The following WDR72 variants were observed in gnomAD, a reference collection of about 807,000 sequenced individuals.
The protein encoded by WDR72 is WD repeat-containing protein 72.
WDR72 carries 120 observed loss-of-function variants against 124.2 expected under a neutral mutation model. The observed-to-expected ratio is 0.97, with a 90% CI of 0.83 to 1.12. The LOEUF is 1.12. WDR72 is among the 50% of genes most tolerant of loss of function. The pLI, the probability that WDR72 is intolerant of heterozygous loss-of-function variation, is 0.00. For missense variants in WDR72, 1,387 were observed against 1,278.8 expected, an observed-to-expected ratio of 1.08 and a Z score of -1.29; for synonymous variants, 452 against 441.7, an observed-to-expected ratio of 1.02 and a Z score of -0.29.
chr15:53,719,305 C>T (rs1332395139), intron 3 of WDR72, among the ~76,000 whole-genome samples: 1 of 152,036 alleles, frequency 6.6e-6, no homozygotes, highest in African/African-American at 2.4e-5. Context: ...TCCTCTTCTT[C>T]CTCTGTCTGC....
In WDR72 at chr15:53,678,116, G is replaced by A. The variant is rs556986435; in HGVS notation, c.1766-12348C>T. On this transcript the variant is annotated intron_variant, in intron 13 of 19. Coordinates refer to ENST00000360509, the MANE Select transcript of WDR72 (RefSeq NM_182758.4). ...TAGGGAATGTTTGGTTGGCAATACA[G>A]AGAAGAGAACTGAAGAAAGAACTTT... 1.1e-4 allele frequency among the ~76,000 whole-genome samples: 16 copies of A among 152,296 alleles called. 1 individual carries two copies. In the South Asian group the frequency reaches 3.1e-3, roughly 30 times the overall value.
At chr15:53,697,822 T>G (rs537764222) in intron 13 of WDR72, among the ~76,000 whole-genome samples, 19 of 152,306 alleles carry the variant, frequency 1.2e-4, no homozygotes, top group African/African-American at 4.6e-4. Flanking sequence ...ATTATTTTTT[T>G]GTTTGAGACA....
chr15:53,559,996 A>T (rs149557408), intron 18 of WDR72, among the ~76,000 whole-genome samples: 1 of 152,140 alleles, frequency 6.6e-6, no homozygotes, highest in African/African-American at 2.4e-5. Context: ...TTACAAGTTG[A>T]AATGCAGTCC....
intron 14 of WDR72, among the ~76,000 whole-genome samples, chr15:53,664,614 C>T (rs2015715698): frequency 6.6e-6 from 1 of 151,378 alleles, no homozygotes; most frequent in South Asian, 2.1e-4. Flanking sequence ...ATTAAAATAA[C>T]AGAAAAGATG....
intron 14 of WDR72, among the ~76,000 whole-genome samples, chr15:53,631,202 C>T (rs190661082): frequency 5.9e-5 from 9 of 152,202 alleles, no homozygotes; most frequent in Non-Finnish European, 1.0e-4. Context: ...ATTGAGTTCT[C>T]ATGAGATCTG....
intron 17 of WDR72, among the ~76,000 whole-genome samples, chr15:53,604,645 T>G (rs2013196764): frequency 6.6e-6 from 1 of 151,378 alleles, no homozygotes; most frequent in Non-Finnish European, 1.5e-5. Context: ...GAAAAAAAAC[T>G]CTATTAAAAC....
chr15:53,598,396 C>G (rs922578642), intron 17 of WDR72, among the ~76,000 whole-genome samples: 5 of 152,122 alleles, frequency 3.3e-5, no homozygotes, highest in Non-Finnish European at 7.3e-5. Flanking sequence ...ATAAGCATGT[C>G]TAGAGCTAGG....
chr15:53,702,120 A>T lies in WDR72; in HGVS notation c.1569+14T>A, dbSNP rs759804191. 1.3e-6 allele frequency: 2 copies of T among 1,593,018 alleles called. No homozygotes were observed. The highest frequency in any genetic ancestry group is 2.2e-5 in the South Asian group (2 of 89,154). ...TTTTCAAATTTAGATGTTATATTTT[A>T]CTCTTCGTCTTACTTTAAACTTCTC... On this transcript the variant is annotated intron_variant, in intron 12 of 19. Coordinates refer to ENST00000360509, the MANE Select transcript of WDR72 (RefSeq NM_182758.4).
intron 18 of WDR72, among the ~76,000 whole-genome samples, chr15:53,529,788 A>G (rs1207908216): frequency 2.0e-5 from 3 of 152,000 alleles, no homozygotes; most frequent in Non-Finnish European, 4.4e-5. Flanking sequence ...GTCTTACTCA[A>G]ACCAGGCATG....
At chr15:53,582,445 G>C (rs2011979626) in intron 18 of WDR72, among the ~76,000 whole-genome samples, 1 of 151,840 alleles carries the variant, frequency 6.6e-6, no homozygotes, top group South Asian at 2.1e-4. Flanking sequence ...TGCACAATTT[G>C]ATTTGGTGTA....
chr15:53,652,665 T>A (rs950567627), intron 14 of WDR72, among the ~76,000 whole-genome samples: 12 of 152,144 alleles, frequency 7.9e-5, no homozygotes, highest in African/African-American at 2.9e-4. Flanking sequence ...TACAACGCAA[T>A]CCTCAGGCTA....
chr15:53,615,931 A>T lies in WDR72; in HGVS notation c.2275T>A (p.Phe759Ile), dbSNP rs777256458. The T allele has an allele frequency of 1.9e-6, 3 of 1,613,390 alleles. No individual in the cohort carries two copies. Among genetic ancestry groups the T allele is most frequent in the East Asian group, 2.2e-5 (1 of 44,844 alleles). Reference protein sequence around the residue: ...SLAQGDNTIKFSEENDGIKRQ... With the variant: ...SLAQGDNTIKISEENDGIKRQ... ...TTAATGCCATCATTTTCTTCTGAGA[A>T]TTTGATGGTATTATCTCCTTGGGCC... Residue 759 changes from phenylalanine (F) to isoleucine (I), a missense_variant, in exon 15 of 20, where the codon TTC becomes ATC. By Grantham distance (21) the Phe-to-Ile change is conservative (BLOSUM62 0). Coordinates refer to ENST00000360509, the MANE Select transcript of WDR72 (RefSeq NM_182758.4).
At chr15:53,518,028 C>T (rs1891559915) in intron 19 of WDR72, among the ~76,000 whole-genome samples, 1 of 151,046 alleles carries the variant, frequency 6.6e-6, no homozygotes, top group Non-Finnish European at 1.5e-5. Context: ...TTATTAATAG[C>T]TTGGGGATTT....
At chr15:53,750,608 T>G (rs1389778096) in intron 1 of WDR72, among the ~76,000 whole-genome samples, 5 of 152,204 alleles carry the variant, frequency 3.3e-5, no homozygotes, top group African/African-American at 9.7e-5. Context: ...TAGAGATTCC[T>G]CTGATATACC....
chr15:53,613,658 TCTCTTACCA>T lies in WDR72; in HGVS notation c.2871_2872+7del, dbSNP rs774423472. ...ATCAGATCATATCTGTGCCAGTAAC[TCTCTTACCA>T]TTTCGTAAGCAACTGTAGAAGCTTG... On this transcript the variant is annotated splice_donor_variant and splice_donor_5th_base_variant and coding_sequence_variant and intron_variant, in exon 16 of 20. Transcript: ENST00000360509. LOFTEE classifies it high-confidence loss of function. 3 of 1,595,448 alleles carry T rather than the reference TCTCTTACCA, an allele frequency of 1.9e-6. No individual in the cohort carries two copies. Among genetic ancestry groups the T allele is most frequent in the Admixed American group, 1.7e-5 (1 of 59,824 alleles).
intron 13 of WDR72, among the ~76,000 whole-genome samples, chr15:53,683,283 G>C (rs1219970478): frequency 6.6e-6 from 1 of 152,054 alleles, no homozygotes; most frequent in Non-Finnish European, 1.5e-5. Flanking sequence ...ATCAGAATAG[G>C]GTGACTAGAA....
At position 53,678,209 on chromosome 15, in the gene WDR72, G is replaced by A. The variant is rs1434926692; in HGVS notation, c.1766-12441C>T. Among the ~76,000 whole-genome samples the A allele has an allele frequency of 2.0e-5, 3 of 152,144 alleles. No individual in the cohort carries two copies. The East Asian group carries it at 5.8e-4, about 29-fold the overall frequency. ...AGATTAGGAACATCCCAATCCATCT[G>A]CCCTTAAAACATTTTATTTTTTAAT... On this transcript the variant is annotated intron_variant, in intron 13 of 19. Coordinates refer to ENST00000360509, the MANE Select transcript of WDR72 (RefSeq NM_182758.4).
At chr15:53,637,312 C>A (rs921303302) in intron 14 of WDR72, among the ~76,000 whole-genome samples, 1 of 152,102 alleles carries the variant, frequency 6.6e-6, no homozygotes, top group Non-Finnish European at 1.5e-5. Flanking sequence ...TTTTGCACAA[C>A]GTTTCTCTCC....
intron 1 of WDR72, among the ~76,000 whole-genome samples, chr15:53,747,235 T>A (rs1423313705): frequency 1.3e-5 from 2 of 152,152 alleles, no homozygotes; most frequent in Non-Finnish European, 1.5e-5. Flanking sequence ...TGTAATTAGA[T>A]CACTCCTTAG....
Sources: allele counts gnomAD v4.1 joint callset (sites outside exome capture counted in the v4.1 genomes callset), GRCh38; gene constraint gnomAD v4.1.1; transcripts MANE v1.5; gene names NCBI Gene and HGNC (gene_info 2026-07-23, HGNC 2026-07-21).